CALCR: variants seen among roughly 807,000 people sequenced by gnomAD.
CALCR encodes calcitonin receptor.
Under a neutral mutation model 59.5 loss-of-function variants are expected in CALCR, and 47 were observed. The ratio of observed to expected loss-of-function variants is 0.79; its 90% confidence interval spans 0.63 to 1.01. CALCR has a LOEUF of 1.01. CALCR is among the 50% of genes least tolerant of loss of function. The probability of loss-of-function intolerance (pLI) is 0.00; values close to 1 mark genes in which losing one functional copy is unlikely to be tolerated. For missense variants in CALCR, 566 were observed against 597.1 expected, an observed-to-expected ratio of 0.95 and a Z score of 0.54; for synonymous variants, 213 against 211.3, an observed-to-expected ratio of 1.01 and a Z score of -0.07.
intron 2 of CALCR, among the ~76,000 whole-genome samples, chr7:93,561,417 C>T (rs1789745102): frequency 6.6e-6 from 1 of 152,008 alleles, no homozygotes; most frequent in Admixed American, 6.6e-5. Context: ...CCTTCATTCC[C>T]TAATAGCATT....
intron 2 of CALCR, among the ~76,000 whole-genome samples, chr7:93,493,552 G>A (rs1336439792): frequency 6.6e-6 from 1 of 151,294 alleles, no homozygotes; most frequent in Non-Finnish European, 1.5e-5. Flanking sequence ...CTCTAGACCA[G>A]TTTCCCTGCT....
At chr7:93,501,090 G>A (rs1353828561) in intron 2 of CALCR, among the ~76,000 whole-genome samples, 3 of 151,918 alleles carry the variant, frequency 2.0e-5, no homozygotes, top group Non-Finnish European at 4.4e-5. Flanking sequence ...AATGATATAA[G>A]GGATGGCCAA....
intron 13 of CALCR, among the ~76,000 whole-genome samples, chr7:93,429,411 T>C (rs1033468748): frequency 6.6e-6 from 1 of 152,212 alleles, no homozygotes; most frequent in East Asian, 1.9e-4. Flanking sequence ...ATTTGAATTA[T>C]ATAAATTCAT....
intron 2 of CALCR, among the ~76,000 whole-genome samples, chr7:93,506,608 G>T (rs1801431008): frequency 1.3e-5 from 2 of 150,674 alleles, no homozygotes; most frequent in African/African-American, 4.9e-5. Context: ...TGGCTCAATT[G>T]TTTGTTGAAC....
intron 2 of CALCR, among the ~76,000 whole-genome samples, chr7:93,572,153 AT>A (rs1331042098): frequency 7.2e-5 from 11 of 152,210 alleles, no homozygotes; most frequent in African/African-American, 2.7e-4. Flanking sequence ...AACATCAAAT[AT>A]TAAAATATTT....
chr7:93,429,674 TC>T (rs1316004753), intron 13 of CALCR, among the ~76,000 whole-genome samples: 1 of 152,178 alleles, frequency 6.6e-6, no homozygotes, highest in Non-Finnish European at 1.5e-5. Context: ...CTTTTGCCTT[TC>T]TTTTCCTGAG....
At chr7:93,536,336 G>C (rs1050074103) in intron 2 of CALCR, among the ~76,000 whole-genome samples, 1 of 151,776 alleles carries the variant, frequency 6.6e-6, no homozygotes, top group Non-Finnish European at 1.5e-5. Flanking sequence ...TCCGCTTAGA[G>C]AAATCTGTCT....
chr7:93,532,838 C>CAAAAAAAAAAAAAAAAAAGA (rs1788878319), intron 2 of CALCR, among the ~76,000 whole-genome samples: 1 of 95,718 alleles, frequency 1.0e-5, no homozygotes, highest in African/African-American at 5.0e-5. Context: ...ATGTCCAAAG[C>CAAAAAAAAAAAAAAAAAAGA]AAAAAAAAAA....
intron 2 of CALCR, among the ~76,000 whole-genome samples, chr7:93,518,885 C>T (rs1801700025): frequency 7.6e-6 from 1 of 131,510 alleles, no homozygotes; most frequent in African/African-American, 2.6e-5. Context: ...CAAGATATAT[C>T]TGGAATGATA....
intron 2 of CALCR, among the ~76,000 whole-genome samples, chr7:93,541,018 C>A (rs1307813992): frequency 6.6e-6 from 1 of 151,902 alleles, no homozygotes; most frequent in Non-Finnish European, 1.5e-5. Flanking sequence ...TATAGCCTTA[C>A]AAAGACTGAA....
At chr7:93,468,912 T>G (rs561156051) in intron 6 of CALCR, 106 bp from the exon 7 acceptor site, 6 of 534,336 alleles carry the variant, frequency 1.1e-5, no homozygotes, top group Non-Finnish European at 1.9e-5. Flanking sequence ...TTTTCCTCCT[T>G]TTAAAAACCT....
chr7:93,455,295 T>A (rs1800188238), intron 8 of CALCR, among the ~76,000 whole-genome samples: 1 of 151,970 alleles, frequency 6.6e-6, no homozygotes, highest in Non-Finnish European at 1.5e-5. Flanking sequence ...CGCTTTTCTT[T>A]ATTTATAACT....
chr7:93,568,255 G>A (rs2116286030), intron 2 of CALCR, among the ~76,000 whole-genome samples: 1 of 152,270 alleles, frequency 6.6e-6, no homozygotes, highest in East Asian at 1.9e-4. Context: ...TGTAAGTTAA[G>A]CTTTAGGAGA....
In CALCR at chr7:93,426,475, C is replaced by A. The variant is rs757423573; in HGVS notation, c.1306G>T (p.Gly436Cys). The A allele has an allele frequency of 3.7e-6, 6 of 1,613,822 alleles. No homozygotes were observed. In the South Asian group the frequency reaches 6.6e-5, roughly 18 times the overall value. The part of the protein sequence containing the change: ...ARAAAAAAEA[G>C]DIPIYICHQE... ...TGGCAGATGTAAATTGGGATGTCGC[C>A]AGCCTCCGCAGCAGCGGCTGCAGCG... is the stretch of plus-strand genomic sequence containing the variant. Residue 436 changes from glycine to cysteine, a missense_variant, in exon 14 of 14, where the codon GGC becomes TGC. Coordinates refer to ENST00000426151, the MANE Select transcript of CALCR (RefSeq NM_001742.4).
At chr7:93,514,503 A>G (rs187320318) in intron 2 of CALCR, among the ~76,000 whole-genome samples, 12 of 151,968 alleles carry the variant, frequency 7.9e-5, no homozygotes, top group Middle Eastern at 3.2e-3. Context: ...TAAAACTTTC[A>G]ATATAATAAT....
At chr7:93,555,523 AAAC>A (rs530208892) in intron 2 of CALCR, among the ~76,000 whole-genome samples, 1 of 152,096 alleles carries the variant, frequency 6.6e-6, no homozygotes, top group Admixed American at 6.6e-5. Context: ...ATGGAGAAGG[AAAC>A]AACAACAACA....
chr7:93,509,058 G>C (rs1801488228), intron 2 of CALCR, among the ~76,000 whole-genome samples: 1 of 152,084 alleles, frequency 6.6e-6, no homozygotes, highest in South Asian at 2.1e-4. Context: ...TGAGAGGTGG[G>C]GTGTATGTTC....
At chr7:93,561,231 T>C (rs1280911856) in intron 2 of CALCR, among the ~76,000 whole-genome samples, 1 of 152,188 alleles carries the variant, frequency 6.6e-6, no homozygotes, top group Non-Finnish European at 1.5e-5. Flanking sequence ...AGTCAAAGTT[T>C]AAGTGTTTTG....
intron 13 of CALCR, among the ~76,000 whole-genome samples, chr7:93,429,296 C>T (rs934107823): frequency 6.6e-6 from 1 of 152,070 alleles, no homozygotes; most frequent in Non-Finnish European, 1.5e-5. Flanking sequence ...AGAATAAGGG[C>T]ATTTAATCTG....
Sources: gnomAD v4.1 joint callset for allele counts (sites outside exome capture counted in the v4.1 genomes callset) on GRCh38, gnomAD v4.1.1 for gene constraint, MANE v1.5 for transcripts, NCBI Gene and HGNC (gene_info 2026-07-23, HGNC 2026-07-21) for gene names.